Variants in ATL1 observed in about 807,000 individuals in gnomAD.
The protein encoded by ATL1 is atlastin-1.
A neutral mutation model predicts 75.5 loss-of-function variants in ATL1; 31 were observed. The ratio of observed to expected loss-of-function variants is 0.41; its 90% CI spans 0.31 to 0.55. The LOEUF (loss-of-function observed/expected upper bound fraction) is 0.55, where lower values mean the gene tolerates loss of function less well. ATL1 is among the 20% of genes least tolerant of loss of function. The pLI is 0.27. For missense variants in ATL1, 405 were observed against 662.6 expected (o/e 0.61, Z 4.27); for synonymous variants, 226 against 233.3 (o/e 0.97, Z 0.28).
At chr14:50,566,875 C>T (rs1459166636) in intron 1 of ATL1, among the ~76,000 whole-genome samples, 1 of 152,116 alleles carries the variant, frequency 6.6e-6, no homozygotes, top group South Asian at 2.1e-4. Flanking sequence ...AAAATCTTCT[C>T]TTACCTCAAA....
chr14:50,625,877 T>C (rs547537135), intron 11 of ATL1, among the ~76,000 whole-genome samples: 15 of 145,904 alleles, frequency 1.0e-4, no homozygotes, highest in Admixed American at 2.2e-4. Flanking sequence ...ACCACCAGCC[T>C]GGGTGACAGA....
At chr14:50,569,219 G>C (rs1253311891) in intron 1 of ATL1, among the ~76,000 whole-genome samples, 1 of 151,888 alleles carries the variant, frequency 6.6e-6, no homozygotes, top group Non-Finnish European at 1.5e-5. Flanking sequence ...AATTATCCAG[G>C]TGTGGTGGTG....
Position 50,628,413 on chromosome 14 carries a change from G to A in ATL1, c.1502G>A (p.Arg501Gln), listed in dbSNP as rs374795927. Residue 501 changes from arginine to glutamine, a missense_variant, in exon 12 of 14, where the codon CGA becomes CAA. Physicochemically the swap from Arg to Gln is conservative, Grantham distance 43. This residue lies in a region of ATL1 where 163 missense variants were observed against 244.1 expected (regional missense o/e 0.67). Transcript: ENST00000358385. ...TATATCCGGTACTCTGGAGAATACC[G>A]AGAGCTGGGAGCTGTAATAGACCAG... is the stretch of plus-strand genomic sequence containing the variant. ...WAYIRYSGEYRELGAVIDQVA... is the reference protein window; with the variant it reads ...WAYIRYSGEYQELGAVIDQVA... The A allele has an allele frequency of 3.7e-6, 6 of 1,613,986 alleles. No homozygotes were observed. Among genetic ancestry groups the A allele is most frequent in the South Asian group, 2.2e-5 (2 of 91,070 alleles).
At chr14:50,574,937 G>GTATATATATATATATATA (rs71118894) in intron 1 of ATL1, among the ~76,000 whole-genome samples, 5 of 23,152 alleles carry the variant, frequency 2.2e-4, no homozygotes, top group African/African-American at 5.6e-4. Context: ...GTGTGTGTGT[G>GTATATATATATATATATA]TATATATATA....
intron 6 of ATL1, among the ~76,000 whole-genome samples, chr14:50,602,735 C>A (rs892034297): frequency 6.6e-6 from 1 of 151,772 alleles, no homozygotes; most frequent in Non-Finnish European, 1.5e-5. Flanking sequence ...TTTTTGAGGC[C>A]CAGAGCCCTG....
chr14:50,560,328 C>T (rs1320253746), intron 1 of ATL1, 29 bp downstream of exon 1: 3 of 1,612,568 alleles, frequency 1.9e-6, no homozygotes, highest in Non-Finnish European at 2.5e-6. Context: ...CTTCTGCAGC[C>T]TGCACGGGGT....
rs940678376 is a variant in ATL1 at position 50,577,161 on chromosome 14, C to T, written c.35-10670C>T. Among the ~76,000 whole-genome samples, 5 of 152,170 alleles carry T rather than the reference C, an allele frequency of 3.3e-5. No homozygotes were observed. The South Asian group carries it at 8.3e-4, about 25-fold the overall frequency. On this transcript the variant is annotated intron_variant, in intron 1 of 13. Coordinates refer to ENST00000358385, the MANE Select transcript of ATL1 (RefSeq NM_015915.5). ...CTCTGCAACCTCCACCTCCCGGGTT[C>T]AAGCGATTCTCCTGCCTTAGCCTGC... is the stretch of plus-strand genomic sequence containing the variant.
At chr14:50,621,024 G>C (rs960944532) in intron 9 of ATL1, among the ~76,000 whole-genome samples, 1 of 151,998 alleles carries the variant, frequency 6.6e-6, no homozygotes, top group Admixed American at 6.5e-5. Context: ...GGGGGGATGG[G>C]GTGTTTCCCA....
chr14:50,566,061 A>T (rs1253324261), intron 1 of ATL1, among the ~76,000 whole-genome samples: 3 of 152,090 alleles, frequency 2.0e-5, no homozygotes, highest in Non-Finnish European at 4.4e-5. Flanking sequence ...GCAATGGTGC[A>T]ATCTCAGCTC....
intron 9 of ATL1, among the ~76,000 whole-genome samples, chr14:50,621,333 T>G (rs1447043156): frequency 1.3e-5 from 2 of 152,260 alleles, no homozygotes; most frequent in Non-Finnish European, 2.9e-5. Flanking sequence ...AAATTCATGT[T>G]TTGTCATTTA....
At chr14:50,573,088 C>T (rs1017338434) in intron 1 of ATL1, among the ~76,000 whole-genome samples, 6 of 152,138 alleles carry the variant, frequency 3.9e-5, no homozygotes, top group Non-Finnish European at 8.8e-5. Flanking sequence ...GAACTATCCC[C>T]ATGATCTAAT....
At chr14:50,604,489 T>C (rs2039298906) in intron 6 of ATL1, among the ~76,000 whole-genome samples, 1 of 152,166 alleles carries the variant, frequency 6.6e-6, no homozygotes. Context: ...TATACATATT[T>C]GGGATTGTAA....
At chr14:50,599,191 C>T (rs192558172) in intron 6 of ATL1, among the ~76,000 whole-genome samples, 1 of 152,206 alleles carries the variant, frequency 6.6e-6, no homozygotes, top group Admixed American at 6.5e-5. Flanking sequence ...CAAAAGATTA[C>T]TAAGCAGAAC....
Position 50,628,288 on chromosome 14 carries a change from T to C in ATL1, c.1377T>C (p.Tyr459=), listed in dbSNP as rs775045809. ...TGTTTGTAGTCATCTTTATCACATA[T>C]GTGATTGCTGGTGTGACTGGATTCA... The part of the protein sequence containing the change: ...ATLFVVIFIT[Y]VIAGVTGFIG... Residue 459 remains tyrosine, a synonymous_variant, in exon 12 of 14, where the codon TAT becomes TAC. Transcript: ENST00000358385. The C allele has an allele frequency of 2.3e-5, 37 of 1,614,044 alleles. No individual in the cohort carries two copies. In the East Asian group the frequency reaches 7.6e-4, roughly 33 times the overall value.
chr14:50,601,182 C>T (rs1277526251), intron 6 of ATL1, among the ~76,000 whole-genome samples: 3 of 151,926 alleles, frequency 2.0e-5, no homozygotes, highest in African/African-American at 4.8e-5. Flanking sequence ...AAATACAGTA[C>T]AATTATGAAT....
chr14:50,575,071 G>T (rs1351413773), intron 1 of ATL1, among the ~76,000 whole-genome samples: 1 of 148,790 alleles, frequency 6.7e-6, no homozygotes, highest in Non-Finnish European at 1.5e-5. Context: ...TAATTAGTTT[G>T]TCTTTAATTA....
chr14:50,574,933 GTGTGTA>G (rs1341792698), intron 1 of ATL1, among the ~76,000 whole-genome samples: 1,521 of 45,610 alleles, frequency 0.033, 6 homozygotes, highest in East Asian at 0.061. Context: ...GTGTGTGTGT[GTGTGTA>G]TATATATATA....
intron 6 of ATL1, among the ~76,000 whole-genome samples, chr14:50,602,096 G>T (rs1417614737): frequency 2.0e-5 from 3 of 152,158 alleles, no homozygotes; most frequent in Non-Finnish European, 4.4e-5. Context: ...GGATATTTTT[G>T]ATGTTGTCAG....
In ATL1 at chr14:50,541,939, A is replaced by G. The variant is rs188361915; in HGVS notation, c.-140+8572A>G. Among the ~76,000 whole-genome samples the G allele has an allele frequency of 1.3e-4, 18 of 135,832 alleles. No homozygotes were observed. The East Asian group carries it at 4.4e-3, about 33-fold the overall frequency. 89.1% of individuals were successfully genotyped at this position (135,832 alleles called of 152,430 possible). A position where few individuals can be genotyped will look rare whatever the true frequency, so the allele number is the denominator to read the frequency against. On this transcript the variant is annotated intron_variant, in intron 1 of 13. Transcript: ENST00000441560. The stretch of plus-strand genomic sequence containing the variant: ...GGAGAATGGCATGAACCCAGGAGGC[A>G]GAGCTTGTAGTGAGCCGAGATCGCG...
Sources: allele counts gnomAD v4.1 joint callset (sites outside exome capture counted in the v4.1 genomes callset), GRCh38; gene constraint gnomAD v4.1.1; regional missense constraint gnomAD v4.1.1; transcripts MANE v1.5; gene names NCBI Gene and HGNC (gene_info 2026-07-23, HGNC 2026-07-21).